Variants in NPY2R observed in about 807,000 individuals in gnomAD.
The protein encoded by NPY2R is neuropeptide Y receptor type 2.
In NPY2R, 17 loss-of-function variants were observed where a neutral mutation model predicts 22.3. The ratio of observed to expected loss-of-function variants is 0.76; its 90% CI spans 0.52 to 1.14. The LOEUF is 1.14. Among genes scored for constraint, NPY2R ranks in the 50% most tolerant of loss-of-function variants. The pLI is 0.00. For synonymous variants in NPY2R, 209 were observed against 183.4 expected (o/e 1.14, Z -1.13); for missense variants, 424 against 467.9 (o/e 0.91, Z 0.87).
intron 1 of NPY2R, among the ~76,000 whole-genome samples, chr4:155,209,761 G>C (rs1034081458): frequency 1.5e-4 from 22 of 151,676 alleles, no homozygotes; most frequent in African/African-American, 5.1e-4. Flanking sequence ...ACTGATTTCT[G>C]AGATATTTTT....
chr4:155,215,304 G>T lies in NPY2R; in HGVS notation c.*219G>T. 3 of 636,652 alleles carry T rather than the reference G, an allele frequency of 4.7e-6. No individual in the cohort carries two copies. Among genetic ancestry groups the T allele is most frequent in the Non-Finnish European group, 8.6e-6 (3 of 347,718 alleles). The allele number at this position is 636,652 out of a possible 1,614,324, so 39.4% of individuals were successfully genotyped here. A position where few individuals can be genotyped will look rare whatever the true frequency, so the allele number is the denominator to read the frequency against. ...AACAAAATGGTTTACTTAACAGTTG[G>T]TTGGGTAGTAGGTTGCATTATGAGT... On this transcript the variant is annotated 3_prime_UTR_variant, in exon 2 of 2. Coordinates refer to ENST00000329476, the MANE Select transcript of NPY2R (RefSeq NM_000910.4).
the NPY2R span, among the ~76,000 whole-genome samples, chr4:155,195,854 G>A: frequency 3.3e-5 from 5 of 152,062 alleles, no homozygotes; most frequent in South Asian, 4.1e-4. Context: ...ATCACAAAAA[G>A]ATGCCAGAGG....
At chr4:155,190,275 G>A in the NPY2R span, among the ~76,000 whole-genome samples, 1 of 151,976 alleles carries the variant, frequency 6.6e-6, no homozygotes, top group South Asian at 2.1e-4. Flanking sequence ...TTGAGAGTGA[G>A]TTAGATACCT....
upstream of NPY2R, among the ~76,000 whole-genome samples, chr4:155,205,381 G>A (rs1326765303): frequency 6.6e-6 from 1 of 152,044 alleles, no homozygotes; most frequent in Non-Finnish European, 1.5e-5. Context: ...ATACCGTGGG[G>A]GAAGCATCTT....
At chr4:155,213,273 G>T (rs1008463986) in intron 1 of NPY2R, among the ~76,000 whole-genome samples, 1 of 152,068 alleles carries the variant, frequency 6.6e-6, no homozygotes, top group Non-Finnish European at 1.5e-5. Context: ...TACCCCAAAA[G>T]CTATTGAAAT....
the NPY2R span, among the ~76,000 whole-genome samples, chr4:155,199,464 C>T: frequency 5.3e-5 from 8 of 152,030 alleles, no homozygotes; most frequent in South Asian, 1.3e-3. Flanking sequence ...AGATTCGATG[C>T]TATTCCCATC....
upstream of NPY2R, among the ~76,000 whole-genome samples, chr4:155,204,953 C>T (rs1011355288): frequency 1.3e-5 from 2 of 151,990 alleles, no homozygotes; most frequent in African/African-American, 4.8e-5. Flanking sequence ...GTCGGCCCTG[C>T]AGAACCACAT....
the NPY2R span, among the ~76,000 whole-genome samples, chr4:155,198,149 G>T: frequency 2.6e-5 from 4 of 151,934 alleles, no homozygotes; most frequent in East Asian, 7.7e-4. Flanking sequence ...TATCTAACAG[G>T]TATTGATCAT....
the NPY2R span, among the ~76,000 whole-genome samples, chr4:155,186,665 C>A: frequency 6.6e-6 from 1 of 152,136 alleles, no homozygotes; most frequent in Non-Finnish European, 1.5e-5. Context: ...TAACTATACT[C>A]ATCATGATAC....
chr4:155,185,670 T>C, the NPY2R span, among the ~76,000 whole-genome samples: 1 of 87,288 alleles, frequency 1.1e-5, no homozygotes, highest in Non-Finnish European at 2.2e-5. Flanking sequence ...AAGAAATGCA[T>C]TTTTTTTTTT....
chr4:155,190,119 G>C, the NPY2R span, among the ~76,000 whole-genome samples: 1 of 151,976 alleles, frequency 6.6e-6, no homozygotes, highest in African/African-American at 2.4e-5. Flanking sequence ...TAAAACCAAT[G>C]CAATGACTCT....
the NPY2R span, among the ~76,000 whole-genome samples, chr4:155,185,297 C>T: frequency 4.6e-5 from 7 of 152,064 alleles, no homozygotes; most frequent in Non-Finnish European, 7.4e-5. Context: ...CTCAGCCTCC[C>T]AAAGTGATGG....
chr4:155,182,778 T>C, the NPY2R span, among the ~76,000 whole-genome samples: 1 of 152,066 alleles, frequency 6.6e-6, no homozygotes, highest in Non-Finnish European at 1.5e-5. Context: ...TGTCATGAGC[T>C]GTTCTAGGTT....
chr4:155,190,343 T>C, the NPY2R span, among the ~76,000 whole-genome samples: 1 of 151,962 alleles, frequency 6.6e-6, no homozygotes, highest in African/African-American at 2.4e-5. Context: ...ATTTAGAGTT[T>C]TGAGTTTTTA....
the NPY2R span, among the ~76,000 whole-genome samples, chr4:155,198,497 AT>A: frequency 1.4e-3 from 180 of 131,378 alleles, 1 homozygote; most frequent in Middle Eastern, 0.012. Flanking sequence ...AGTACTACAT[AT>A]TTTTATATAT....
chr4:155,194,313 G>C, the NPY2R span, among the ~76,000 whole-genome samples: 1 of 151,866 alleles, frequency 6.6e-6, no homozygotes, highest in South Asian at 2.1e-4. Flanking sequence ...ATTTCATGTT[G>C]CTGGGGTTTG....
the NPY2R span, among the ~76,000 whole-genome samples, chr4:155,194,675 C>T: frequency 6.6e-6 from 1 of 151,934 alleles, no homozygotes; most frequent in African/African-American, 2.4e-5. Context: ...CACATCTTTG[C>T]TATTGTGAGT....
chr4:155,186,650 G>A, the NPY2R span, among the ~76,000 whole-genome samples: 20 of 152,178 alleles, frequency 1.3e-4, no homozygotes, highest in African/African-American at 4.8e-4. Context: ...ACAATATAAT[G>A]TTAGTAACTA....
At chr4:155,198,288 T>C in the NPY2R span, among the ~76,000 whole-genome samples, 3 of 151,806 alleles carry the variant, frequency 2.0e-5, no homozygotes, top group Non-Finnish European at 2.9e-5. Context: ...TTTAATTTGT[T>C]CTACATGTTT....
Sources: gnomAD v4.1 joint callset for allele counts (sites outside exome capture counted in the v4.1 genomes callset) on GRCh38, gnomAD v4.1.1 for gene constraint, MANE v1.5 for transcripts, NCBI Gene and HGNC (gene_info 2026-07-23, HGNC 2026-07-21) for gene names.